Variants in PPFIBP2 observed in about 807,000 individuals in gnomAD.
PPFIBP2 encodes PPFIB scaffold protein 2.
PPFIBP2 carries 118 observed loss-of-function variants against 118.3 expected under a neutral mutation model. The ratio of observed to expected loss-of-function variants is 1.00; its 90% CI spans 0.86 to 1.16. The LOEUF (loss-of-function observed/expected upper bound fraction) is 1.16, where lower values mean the gene tolerates loss of function less well. Ranked by LOEUF, PPFIBP2 falls within the 50% of genes most tolerant of loss-of-function variation. PPFIBP2 has a pLI of 0.00. For missense variants in PPFIBP2, 1,195 were observed against 1,073.1 expected (o/e 1.11, Z -1.59); for synonymous variants, 414 against 397.4 (o/e 1.04, Z -0.50).
chr11:7,635,740 A>G (rs1344670208), intron 14 of PPFIBP2, 147 bp downstream of exon 14: 3 of 766,608 alleles, frequency 3.9e-6, no homozygotes, highest in East Asian at 5.4e-5. Flanking sequence ...TTTCTCTCCC[A>G]TTTTATTTTT....
intron 1 of PPFIBP2, among the ~76,000 whole-genome samples, chr11:7,519,583 GT>G (rs1244109851): frequency 1.3e-5 from 2 of 152,170 alleles, no homozygotes; most frequent in Non-Finnish European, 2.9e-5. Context: ...AGGTTTGCAG[GT>G]TTTTTATGAG....
rs755874148 is a variant in PPFIBP2, at chr11:7,650,978, C to A, written c.2247+13C>A. 6.2e-7 allele frequency: 1 copy of A among 1,610,966 alleles called. No individual in the cohort carries two copies. The highest frequency in any genetic ancestry group is 8.5e-7 in the Non-Finnish European group (1 of 1,177,816). On this transcript the variant is annotated intron_variant, in intron 22 of 23. Coordinates refer to ENST00000299492, the MANE Select transcript of PPFIBP2 (RefSeq NM_003621.5). ...TGGAGGCCTCATTGTGAGTGGCTCTCTGGCCTAGCCCACCTGCCTTGGTGC... is the reference window on the plus strand; with the variant it reads ...TGGAGGCCTCATTGTGAGTGGCTCTATGGCCTAGCCCACCTGCCTTGGTGC...
At chr11:7,546,111 C>T (rs1852304083) in intron 1 of PPFIBP2, among the ~76,000 whole-genome samples, 1 of 152,186 alleles carries the variant, frequency 6.6e-6, no homozygotes, top group African/African-American at 2.4e-5. Flanking sequence ...CTCCCCACTC[C>T]TCAGTCCCTT....
At chr11:7,598,580 C>T (rs1860827428) in intron 5 of PPFIBP2, 1 of 154,714 alleles carries the variant, frequency 6.5e-6, no homozygotes, top group African/African-American at 2.4e-5. Flanking sequence ...GAAAATTAAA[C>T]AATGACTGAA....
intron 5 of PPFIBP2, among the ~76,000 whole-genome samples, chr11:7,600,821 A>C (rs1358011850): frequency 6.6e-6 from 1 of 152,196 alleles, no homozygotes; most frequent in Admixed American, 6.5e-5. Context: ...CATTTTTCAC[A>C]AGAGACTCAA....
intron 2 of PPFIBP2, among the ~76,000 whole-genome samples, chr11:7,564,343 G>C (rs1450372918): frequency 3.9e-5 from 6 of 152,298 alleles, no homozygotes; most frequent in Middle Eastern, 3.4e-3. Flanking sequence ...TAGAGTGCAT[G>C]ATGCTGGGAA....
chr11:7,651,703 C>T lies in PPFIBP2; in HGVS notation c.2295C>T (p.Asn765=), dbSNP rs1178888160. Residue 765 remains asparagine, a synonymous_variant, in exon 23 of 24, where the codon AAC becomes AAT. Transcript: ENST00000299492. ...FTGDTLAMLL[N]IPPQKTLLRR... is the part of the protein sequence containing the mutation. ...GGGACACCCTGGCTATGCTTCTCAA[C>T]ATCCCCCCACAAAAGACGCTCCTCA... 1.2e-6 allele frequency: 2 copies of T among 1,613,588 alleles called. No individual in the cohort carries two copies. The highest frequency in any genetic ancestry group is 2.2e-5 in the East Asian group (1 of 44,886).
intron 1 of PPFIBP2, among the ~76,000 whole-genome samples, chr11:7,521,310 G>C (rs1476911666): frequency 6.6e-6 from 1 of 152,186 alleles, no homozygotes; most frequent in Non-Finnish European, 1.5e-5. Flanking sequence ...GAATAGGACT[G>C]TCTCTCTGAT....
chr11:7,574,432 C>G (rs1161771764), intron 3 of PPFIBP2, among the ~76,000 whole-genome samples: 1 of 152,230 alleles, frequency 6.6e-6, no homozygotes, highest in Admixed American at 6.5e-5. Context: ...TTGGGAGTAA[C>G]TACCTCGGCC....
At chr11:7,527,678 G>C (rs1465847975) in intron 1 of PPFIBP2, among the ~76,000 whole-genome samples, 3 of 152,148 alleles carry the variant, frequency 2.0e-5, no homozygotes, top group Non-Finnish European at 1.5e-5. Flanking sequence ...TGCTGAGGAG[G>C]TGGCATTTGA....
chr11:7,632,341 G>A (rs940355230), intron 11 of PPFIBP2: 1 of 156,288 alleles, frequency 6.4e-6, no homozygotes, highest in Non-Finnish European at 1.4e-5. Context: ...TGTTATCCTA[G>A]TGTACTTGTC....
In PPFIBP2 at chr11:7,634,536, G is replaced by A. The variant is rs369809348; in HGVS notation, c.1178G>A (p.Ser393Asn). The stretch of plus-strand genomic sequence containing the variant: ...TCTTGTAGTCTAGAAGACTTGAGAA[G>A]TGAATCTGTGGATAAGGTCGGCTCA... ...KLSCSLEDLR[S>N]ESVDKCMDGN... is the part of the protein sequence containing the mutation. The change falls in exon 13 of 24, where the codon AGT becomes AAT. Residue 393 changes from serine (S) to asparagine (N), a missense_variant. Transcript: ENST00000299492. 2 of 1,613,556 alleles carry A rather than the reference G, an allele frequency of 1.2e-6. No individual in the cohort carries two copies. Among genetic ancestry groups the A allele is most frequent in the African/African-American group, 2.7e-5 (2 of 75,008 alleles).
chr11:7,532,398 T>C (rs1272078245), intron 1 of PPFIBP2, among the ~76,000 whole-genome samples: 1 of 152,150 alleles, frequency 6.6e-6, no homozygotes, highest in Non-Finnish European at 1.5e-5. Flanking sequence ...TAACAGGGTG[T>C]TTCCAAAATC....
chr11:7,629,469 T>G lies in PPFIBP2; in HGVS notation c.899T>G (p.Ile300Arg). 6.2e-7 allele frequency: 1 copy of G among 1,613,984 alleles called. No individual in the cohort carries two copies. The highest frequency in any genetic ancestry group is 8.5e-7 in the Non-Finnish European group (1 of 1,179,894). The part of the protein sequence containing the change: ...LLANEDKDRR[I>R]EELTGLLNQY... Reference sequence around the variant, plus strand: ...CTTGCACTATGGCAGGACCGTCGGATAGAGGAGCTTACGGGGCTGTTAAAC... The same window carrying G: ...CTTGCACTATGGCAGGACCGTCGGAGAGAGGAGCTTACGGGGCTGTTAAAC... Residue 300 changes from isoleucine (I) to arginine (R), a missense_variant, in exon 10 of 24, where the codon ATA (isoleucine) becomes AGA (arginine). By Grantham distance (97) the Ile-to-Arg change is moderately conservative. Transcript: ENST00000299492.
chr11:7,543,388 TA>T (rs1488532612), intron 1 of PPFIBP2, among the ~76,000 whole-genome samples: 1 of 152,228 alleles, frequency 6.6e-6, no homozygotes, highest in Non-Finnish European at 1.5e-5. Context: ...GGAAAGGAGT[TA>T]GGTTCTGTGG....
chr11:7,542,747 C>T (rs1851928308), intron 1 of PPFIBP2, among the ~76,000 whole-genome samples: 1 of 152,232 alleles, frequency 6.6e-6, no homozygotes, highest in Non-Finnish European at 1.5e-5. Flanking sequence ...GCTGACCTTG[C>T]AGGCTTGCTA....
At position 7,523,114 on chromosome 11, in the gene PPFIBP2, G is replaced by A. The variant is rs181783702; in HGVS notation, c.-37+8993G>A. ...CGGGGACTCAGATGGCTGGATGAGG[G>A]CTACAGCTGTCCGATGAGGAGTGAG... On this transcript the variant is annotated intron_variant, in intron 1 of 23. Transcript: ENST00000299492. Among the ~76,000 whole-genome samples, 701 of 152,246 alleles carry A rather than the reference G, an allele frequency of 4.6e-3. 7 individuals carry two copies. The highest frequency in any genetic ancestry group is 0.015 in the African/African-American group (642 of 41,546).
Position 7,549,488 on chromosome 11 carries a change from G to T in PPFIBP2, c.13G>T (p.Ala5Ser). ...GGCAAAAGGAGTCATGGCTTCTGAT[G>T]CTAGTCATGCGCTGGAAGCTGCCCT... Reference protein sequence around the residue: MASDASHALEAALEQ... With the variant: MASDSSHALEAALEQ... Residue 5 changes from alanine (A) to serine (S), a missense_variant, in exon 2 of 24, where the codon GCT becomes TCT. By Grantham distance (99) the Ala-to-Ser change is moderately conservative. Transcript: ENST00000299492. 6.4e-6 allele frequency: 10 copies of T among 1,561,944 alleles called. No homozygotes were observed. The highest frequency in any genetic ancestry group is 1.4e-5 in the African/African-American group (1 of 73,506).
chr11:7,629,710 C>T (rs1172466331), intron 10 of PPFIBP2, among the ~76,000 whole-genome samples, 176 bp downstream of exon 10: 1 of 152,164 alleles, frequency 6.6e-6, no homozygotes, highest in African/African-American at 2.4e-5. Flanking sequence ...TGTTGATTTC[C>T]AGAAATACTA....
Sources: gnomAD v4.1 joint callset for allele counts (sites outside exome capture counted in the v4.1 genomes callset) on GRCh38, gnomAD v4.1.1 for gene constraint, MANE v1.5 for transcripts, NCBI Gene and HGNC (gene_info 2026-07-23, HGNC 2026-07-21) for gene names.